IMMP2L: variants seen among roughly 807,000 people sequenced by gnomAD.
IMMP2L encodes inner mitochondrial membrane peptidase subunit 2.
In IMMP2L, 18 loss-of-function variants were observed where a neutral mutation model predicts 19.3. The ratio of observed to expected loss-of-function variants is 0.93; its 90% CI spans 0.64 to 1.38. The LOEUF is 1.38. Ranked by LOEUF, IMMP2L falls within the 40% of genes most tolerant of loss-of-function variation. The pLI, the probability that IMMP2L is intolerant of heterozygous loss-of-function variation, is 0.00. For missense variants in IMMP2L, 233 were observed against 218.2 expected, an observed-to-expected ratio of 1.07 and a Z score of -0.43; for synonymous variants, 76 against 73.0, an observed-to-expected ratio of 1.04 and a Z score of -0.21.
intron 3 of IMMP2L, among the ~76,000 whole-genome samples, chr7:111,366,748 A>G (rs953022057): frequency 6.6e-6 from 1 of 152,034 alleles, no homozygotes; most frequent in African/African-American, 2.4e-5. Flanking sequence ...AAAGAAGAAT[A>G]TATACATATA....
chr7:110,990,422 C>T (rs1445271418), intron 3 of IMMP2L, among the ~76,000 whole-genome samples: 1 of 152,088 alleles, frequency 6.6e-6, no homozygotes, highest in African/African-American at 2.4e-5. Context: ...ATTTATCACC[C>T]CTGCTGTACT....
At chr7:111,170,859 A>T (rs1240692809) in intron 3 of IMMP2L, among the ~76,000 whole-genome samples, 1 of 143,652 alleles carries the variant, frequency 7.0e-6, no homozygotes, top group African/African-American at 2.5e-5. Flanking sequence ...CCCAACAGTG[A>T]ACAACAGTAC....
intron 5 of IMMP2L, among the ~76,000 whole-genome samples, chr7:110,733,196 C>G (rs146888975): frequency 6.6e-6 from 1 of 152,144 alleles, no homozygotes; most frequent in Non-Finnish European, 1.5e-5. Flanking sequence ...GGTGCTAGTA[C>G]GACAGCTCTA....
intron 5 of IMMP2L, among the ~76,000 whole-genome samples, chr7:110,805,634 C>T (rs968682108): frequency 1.3e-5 from 2 of 151,926 alleles, no homozygotes; most frequent in Non-Finnish European, 2.9e-5. Flanking sequence ...GATTTATGAG[C>T]AATTGTGTCA....
intron 3 of IMMP2L, among the ~76,000 whole-genome samples, chr7:111,154,222 T>A (rs190778971): frequency 6.6e-6 from 1 of 152,166 alleles, no homozygotes; most frequent in Non-Finnish European, 1.5e-5. Flanking sequence ...TTAAAACTAC[T>A]TTAAAGTACC....
chr7:110,825,882 C>A (rs997674913), intron 5 of IMMP2L, among the ~76,000 whole-genome samples: 5 of 152,066 alleles, frequency 3.3e-5, no homozygotes, highest in African/African-American at 1.2e-4. Context: ...AAAGAAACCA[C>A]CATCAGAGTG....
At chr7:111,081,022 T>G (rs1226496180) in intron 3 of IMMP2L, among the ~76,000 whole-genome samples, 1 of 152,242 alleles carries the variant, frequency 6.6e-6, no homozygotes, top group Non-Finnish European at 1.5e-5. Flanking sequence ...ATTGAAGACC[T>G]GTAATCAGAC....
intron 3 of IMMP2L, among the ~76,000 whole-genome samples, chr7:110,984,105 T>G (rs1821595690): frequency 6.6e-6 from 1 of 151,996 alleles, no homozygotes; most frequent in African/African-American, 2.4e-5. Context: ...ATTTAATCTC[T>G]TACTGTTTAA....
chr7:110,812,848 C>T (rs1296424493), intron 5 of IMMP2L, among the ~76,000 whole-genome samples: 1 of 151,882 alleles, frequency 6.6e-6, no homozygotes, highest in South Asian at 2.1e-4. Context: ...ATAGATGATA[C>T]TTCTTTATGT....
chr7:110,832,956 G>A (rs12540913), intron 5 of IMMP2L, among the ~76,000 whole-genome samples: 32,693 of 152,114 alleles, frequency 0.21, 3,671 homozygotes, highest in Non-Finnish European at 0.24. Context: ...CTCCTGACAT[G>A]TTTTCCTCTG....
At chr7:111,214,357 T>TTTTTG (rs1811679258) in intron 3 of IMMP2L, among the ~76,000 whole-genome samples, 3 of 142,200 alleles carry the variant, frequency 2.1e-5, no homozygotes, top group Admixed American at 7.0e-5. Context: ...TTTTTTTTTT[T>TTTTTG]TGAGACAGGG....
chr7:111,207,991 T>C (rs182521985), intron 3 of IMMP2L, among the ~76,000 whole-genome samples: 97 of 152,240 alleles, frequency 6.4e-4, no homozygotes, highest in Non-Finnish European at 1.3e-3. Flanking sequence ...TTTCACACAT[T>C]TGTCTTCCTC....
intron 4 of IMMP2L, among the ~76,000 whole-genome samples, chr7:110,903,150 C>T (rs934797368): frequency 2.0e-5 from 3 of 152,246 alleles, no homozygotes; most frequent in South Asian, 4.1e-4. Flanking sequence ...GAGTGGCACC[C>T]TTGCTTGCCA....
At chr7:110,949,813 G>C (rs1817609872) in intron 4 of IMMP2L, among the ~76,000 whole-genome samples, 1 of 152,082 alleles carries the variant, frequency 6.6e-6, no homozygotes, top group Non-Finnish European at 1.5e-5. Context: ...AGCAGGTTAA[G>C]ATTAGAAAGA....
In IMMP2L at chr7:111,521,344, C is replaced by A. The variant is rs1846306545; in HGVS notation, c.104G>T (p.Cys35Phe). The A allele has an allele frequency of 5.0e-6, 8 of 1,613,114 alleles. No homozygotes were observed. Among genetic ancestry groups the A allele is most frequent in the African/African-American group, 1.3e-5 (1 of 74,862 alleles). The change falls in exon 2 of 6, where the codon TGT becomes TTT. Residue 35 changes from cysteine (C) to phenylalanine (F), a missense_variant. Physicochemically the swap from Cys to Phe is radical, Grantham distance 205. Coordinates refer to ENST00000405709, the MANE Select transcript of IMMP2L (RefSeq NM_032549.4). ...VAVTFLDRVA[C>F]VARVEGASMQ... ...CGATGCTCCTTCTACTCTTGCCACA[C>A]AGGCGACCCGATCCAAGAAAGTCAC...
intron 3 of IMMP2L, among the ~76,000 whole-genome samples, chr7:111,086,515 C>G (rs1040341982): frequency 6.6e-6 from 1 of 152,098 alleles, no homozygotes; most frequent in African/African-American, 2.4e-5. Flanking sequence ...TTCTCCAATT[C>G]TACTTTCCAA....
At chr7:110,782,357 CTGCTATGTGT>C (rs1799799770) in intron 5 of IMMP2L, among the ~76,000 whole-genome samples, 1 of 151,722 alleles carries the variant, frequency 6.6e-6, no homozygotes, top group South Asian at 2.1e-4. Flanking sequence ...AGAATCTAAC[CTGCTATGTGT>C]TTCTGACAGT....
chr7:111,308,810 C>T (rs953591869), intron 3 of IMMP2L, among the ~76,000 whole-genome samples: 1 of 151,990 alleles, frequency 6.6e-6, no homozygotes, highest in African/African-American at 2.4e-5. Context: ...GTTTTGCAAA[C>T]TGCCTTCAAT....
intron 5 of IMMP2L, among the ~76,000 whole-genome samples, chr7:110,738,916 C>T (rs550147563): frequency 1.4e-4 from 21 of 152,238 alleles, no homozygotes; most frequent in South Asian, 8.3e-4. Flanking sequence ...TTTTAAGCCT[C>T]GTTAAACAAA....
Sources: gnomAD v4.1 joint callset for allele counts (sites outside exome capture counted in the v4.1 genomes callset) on GRCh38, gnomAD v4.1.1 for gene constraint, MANE v1.5 for transcripts, NCBI Gene and HGNC (gene_info 2026-07-23, HGNC 2026-07-21) for gene names.